The following KLHL1 variants were observed in gnomAD, a reference collection of about 807,000 sequenced individuals.
The protein encoded by KLHL1 is kelch like family member 1.
A neutral mutation model predicts 77.7 loss-of-function variants in KLHL1; 47 were observed. The observed-to-expected ratio is 0.60, with a 90% CI of 0.48 to 0.77. The LOEUF (loss-of-function observed/expected upper bound fraction) is 0.77. Among genes scored for constraint, KLHL1 ranks in the 30% least tolerant of loss-of-function variants. KLHL1 has a pLI of 0.00. For missense variants in KLHL1, 925 were observed against 910.8 expected (o/e 1.02, Z -0.20); for synonymous variants, 360 against 325.2 (o/e 1.11, Z -1.15).
chr13:69,838,239 C>T (rs7334130), intron 6 of KLHL1, among the ~76,000 whole-genome samples: 12,264 of 151,350 alleles, frequency 0.081, 935 homozygotes, highest in African/African-American at 0.2. Flanking sequence ...TCTATTGTTG[C>T]CAATTCCAGC....
intron 1 of KLHL1, among the ~76,000 whole-genome samples, chr13:70,029,777 C>T (rs550793132): frequency 6.6e-6 from 1 of 152,112 alleles, no homozygotes; most frequent in African/African-American, 2.4e-5. Flanking sequence ...TGTAAATGGG[C>T]TAAATGCTCC....
intron 6 of KLHL1, among the ~76,000 whole-genome samples, chr13:69,810,739 AC>A (rs1455273464): frequency 1.3e-5 from 2 of 152,034 alleles, no homozygotes; most frequent in Admixed American, 1.3e-4. Context: ...AAGTTGGTTA[AC>A]AAAAAAAAAG....
At chr13:70,054,824 T>C (rs1432532084) in intron 1 of KLHL1, among the ~76,000 whole-genome samples, 1 of 288 alleles carries the variant, frequency 3.5e-3, no homozygotes, top group African/African-American at 3.9e-3. Flanking sequence ...TGATCAAGCA[T>C]TAAGAGAGAA....
chr13:70,029,223 A>G (rs559525580), intron 1 of KLHL1, among the ~76,000 whole-genome samples: 1 of 152,246 alleles, frequency 6.6e-6, no homozygotes, highest in Admixed American at 6.5e-5. Context: ...ATAGGTTTGG[A>G]TAAGAATGTT....
At chr13:70,079,742 T>C (rs910032632) in intron 1 of KLHL1, among the ~76,000 whole-genome samples, 1 of 152,232 alleles carries the variant, frequency 6.6e-6, no homozygotes. Flanking sequence ...AATATTACTC[T>C]TTCTCTTTCA....
At chr13:70,048,751 G>T (rs1247429531) in intron 1 of KLHL1, among the ~76,000 whole-genome samples, 2 of 152,172 alleles carry the variant, frequency 1.3e-5, no homozygotes, top group East Asian at 3.9e-4. Context: ...ATGGAGAGCA[G>T]TTGTAAATAC....
intron 4 of KLHL1, among the ~76,000 whole-genome samples, chr13:69,921,622 T>C (rs1429253976): frequency 6.6e-6 from 1 of 152,164 alleles, no homozygotes; most frequent in African/African-American, 2.4e-5. Flanking sequence ...ATTCTATATA[T>C]TGTGGGGAAG....
intron 3 of KLHL1, among the ~76,000 whole-genome samples, chr13:69,945,062 T>G (rs1883479050): frequency 7.3e-6 from 1 of 137,834 alleles, no homozygotes; most frequent in African/African-American, 2.7e-5. Context: ...CTTGGATCAC[T>G]GCAACCTCCA....
intron 4 of KLHL1, among the ~76,000 whole-genome samples, chr13:69,895,325 T>C (rs2138216290): frequency 6.6e-6 from 1 of 152,236 alleles, no homozygotes; most frequent in Non-Finnish European, 1.5e-5. Context: ...GATTCTTGCC[T>C]CCTCCAGTAT....
chr13:69,998,342 A>C (rs2137322178), intron 1 of KLHL1, among the ~76,000 whole-genome samples: 1 of 151,850 alleles, frequency 6.6e-6, no homozygotes, highest in Non-Finnish European at 1.5e-5. Flanking sequence ...ATTAGAGCTC[A>C]CACAATGGGA....
At chr13:70,106,025 T>G (rs2137460578) in intron 1 of KLHL1, among the ~76,000 whole-genome samples, 1 of 151,070 alleles carries the variant, frequency 6.6e-6, no homozygotes, top group Non-Finnish European at 1.5e-5. Context: ...TTTAAGGATA[T>G]TTTTAAATCT....
chr13:70,060,743 G>T (rs909560722), intron 1 of KLHL1, among the ~76,000 whole-genome samples: 1 of 152,044 alleles, frequency 6.6e-6, no homozygotes, highest in African/African-American at 2.4e-5. Flanking sequence ...CTACTTGGGA[G>T]GCTGAGGCAA....
Position 69,798,661 on chromosome 13 carries a change from A to T in KLHL1, c.1415-1699T>A, listed in dbSNP as rs932865860. 5.9e-5 allele frequency among the ~76,000 whole-genome samples: 9 copies of T among 152,178 alleles called. No homozygotes were observed. In the South Asian group the frequency reaches 1.7e-3, roughly 28 times the overall value. On this transcript the variant is annotated intron_variant, in intron 6 of 10. Transcript: ENST00000377844. Reference sequence around the variant, plus strand: ...GGATATTGAATGTTTTATTCATTTGACTTCAAATCAAAATTCTAAAGCAAA... The same window carrying T: ...GGATATTGAATGTTTTATTCATTTGTCTTCAAATCAAAATTCTAAAGCAAA...
chr13:69,782,813 G>T (rs933898758), intron 7 of KLHL1, among the ~76,000 whole-genome samples: 1 of 152,210 alleles, frequency 6.6e-6, no homozygotes, highest in African/African-American at 2.4e-5. Context: ...GAAGAGAGTA[G>T]TGGTTCTCCC....
At chr13:69,920,987 C>A (rs747665789) in intron 4 of KLHL1, among the ~76,000 whole-genome samples, 3 of 152,234 alleles carry the variant, frequency 2.0e-5, no homozygotes, top group Non-Finnish European at 2.9e-5. Flanking sequence ...AATTAACCAA[C>A]TTATGTTGTT....
chr13:69,932,804 A>G (rs1445341723), intron 4 of KLHL1, among the ~76,000 whole-genome samples: 1 of 151,976 alleles, frequency 6.6e-6, no homozygotes, highest in Non-Finnish European at 1.5e-5. Context: ...AATTTTACCA[A>G]TGACTCCAAT....
chr13:69,755,029 G>A (rs1399081786), intron 7 of KLHL1, among the ~76,000 whole-genome samples: 1 of 152,046 alleles, frequency 6.6e-6, no homozygotes, highest in Admixed American at 6.6e-5. Flanking sequence ...AGACTGAAAT[G>A]ATTTGGATAT....
rs531850394 is a variant in KLHL1 at position 69,881,971 on chromosome 13, C to T, written c.1227+312G>A. Among the ~76,000 whole-genome samples, 3 of 152,160 alleles carry T rather than the reference C, an allele frequency of 2.0e-5. No homozygotes were observed. The East Asian group carries it at 5.8e-4, about 29-fold the overall frequency. Reference sequence around the variant, plus strand: ...ATTAGGCTTTTTACATATATATTATCTAATGGATCTTCACAAAACTTCTGT... The same window carrying T: ...ATTAGGCTTTTTACATATATATTATTTAATGGATCTTCACAAAACTTCTGT... On this transcript the variant is annotated intron_variant, in intron 5 of 10. Coordinates refer to ENST00000377844, the MANE Select transcript of KLHL1 (RefSeq NM_020866.3).
intron 3 of KLHL1, among the ~76,000 whole-genome samples, chr13:69,953,440 A>G (rs1346791341): frequency 6.6e-6 from 1 of 151,148 alleles, no homozygotes; most frequent in Non-Finnish European, 1.5e-5. Flanking sequence ...GAATAACTCT[A>G]GATCTAGTAG....
Sources: gnomAD v4.1 joint callset for allele counts (sites outside exome capture counted in the v4.1 genomes callset) on GRCh38, gnomAD v4.1.1 for gene constraint, MANE v1.5 for transcripts, NCBI Gene and HGNC (gene_info 2026-07-23, HGNC 2026-07-21) for gene names.